The following LINC00305 variants were observed in gnomAD, a reference collection of about 807,000 sequenced individuals.
The protein encoded by LINC00305 is long independently transcribed non-coding RNA 305.
intron 3 of LINC00305, among the ~76,000 whole-genome samples, chr18:64,089,620 G>T (rs2051217297): frequency 6.6e-6 from 1 of 152,174 alleles, no homozygotes; most frequent in Admixed American, 6.5e-5. Flanking sequence ...CCTGGATTGT[G>T]CCTGTATTAG....
intron 1 of LINC00305, among the ~76,000 whole-genome samples, chr18:64,130,743 AAT>A (rs959707486): frequency 5.3e-5 from 8 of 152,148 alleles, no homozygotes; most frequent in African/African-American, 1.9e-4. Context: ...TGAAAATATT[AAT>A]ATGAGTTTCC....
intron 1 of LINC00305, among the ~76,000 whole-genome samples, chr18:64,142,494 C>T (rs1238837380): frequency 2.6e-5 from 4 of 152,086 alleles, no homozygotes; most frequent in Non-Finnish European, 5.9e-5. Context: ...GGCAGTTATC[C>T]CCACCACTTC....
intron 1 of LINC00305, among the ~76,000 whole-genome samples, chr18:64,129,755 A>T (rs555906880): frequency 1.3e-5 from 2 of 152,242 alleles, no homozygotes; most frequent in South Asian, 4.1e-4. Flanking sequence ...TAGTTCATGG[A>T]CAATTGCAAT....
intron 1 of LINC00305, among the ~76,000 whole-genome samples, chr18:64,109,284 A>G (rs2051304983): frequency 1.3e-5 from 2 of 152,232 alleles, no homozygotes; most frequent in African/African-American, 4.8e-5. Context: ...GTGAAAGAGT[A>G]TGATAGCTTG....
chr18:64,143,532 T>TAC (rs2051474999), intron 1 of LINC00305, among the ~76,000 whole-genome samples: 1 of 132,076 alleles, frequency 7.6e-6, no homozygotes, highest in African/African-American at 2.9e-5. Flanking sequence ...ATATTATGTG[T>TAC]ACATATATAT....
chr18:64,124,907 C>A (rs888313873), intron 1 of LINC00305, among the ~76,000 whole-genome samples: 27 of 152,114 alleles, frequency 1.8e-4, no homozygotes, highest in Non-Finnish European at 7.4e-5. Flanking sequence ...GGAAGTCTAA[C>A]ACCAAATTCA....
chr18:64,139,792 T>A (rs954434384), intron 1 of LINC00305, among the ~76,000 whole-genome samples: 6 of 152,098 alleles, frequency 3.9e-5, no homozygotes, highest in Non-Finnish European at 7.4e-5. Flanking sequence ...TCCTTTTAAC[T>A]TCCTAGAAAC....
intron 1 of LINC00305, among the ~76,000 whole-genome samples, chr18:64,135,492 A>G (rs1239296145): frequency 6.6e-6 from 1 of 152,220 alleles, no homozygotes; most frequent in Non-Finnish European, 1.5e-5. Flanking sequence ...TGTTGGCACA[A>G]TCCAGGAACA....
At chr18:64,144,842 C>T (rs1002356030) in intron 1 of LINC00305, among the ~76,000 whole-genome samples, 3 of 152,132 alleles carry the variant, frequency 2.0e-5, no homozygotes, top group Admixed American at 6.5e-5. Flanking sequence ...TATGAATGGA[C>T]GTGTAGTCAG....
exon 3 of LINC00305, chr18:64,097,845 A>G (rs773881200): frequency 4.4e-6 from 2 of 457,764 alleles, no homozygotes; most frequent in Non-Finnish European, 8.8e-6. Flanking sequence ...TTTATTCTTC[A>G]TTGAGAGCAT....
chr18:64,116,148 G>A (rs932180978), intron 1 of LINC00305, among the ~76,000 whole-genome samples: 13 of 152,152 alleles, frequency 8.5e-5, no homozygotes, highest in African/African-American at 3.1e-4. Flanking sequence ...TTGCCTATGT[G>A]ATTATGTGTG....
chr18:64,108,028 G>A (rs925693409), intron 1 of LINC00305, among the ~76,000 whole-genome samples: 1 of 152,172 alleles, frequency 6.6e-6, no homozygotes, highest in Non-Finnish European at 1.5e-5. Flanking sequence ...TACAATTGGT[G>A]ATTGGTGTGC....
intron 1 of LINC00305, among the ~76,000 whole-genome samples, chr18:64,125,149 C>T (rs1470291719): frequency 6.6e-6 from 1 of 152,080 alleles, no homozygotes; most frequent in African/African-American, 2.4e-5. Flanking sequence ...TTGTTGCCTC[C>T]ACACTTAAAC....
rs987639203 is a variant in LINC00305 at position 64,103,905 on chromosome 18, G to A, written n.315-5265C>T. 5.9e-5 allele frequency among the ~76,000 whole-genome samples: 9 copies of A among 152,298 alleles called. No homozygotes were observed. In the East Asian group the frequency reaches 1.3e-3, roughly 23 times the overall value. ...GACATGGACAGGGTCACAGTTACAG[G>A]CACAGAAAGCACTGTGAAGTTTTCA... On this transcript the variant is annotated intron_variant and non_coding_transcript_variant, in intron 1 of 3. Transcript: ENST00000666468.
chr18:64,123,386 T>C (rs1440895137), intron 1 of LINC00305, among the ~76,000 whole-genome samples: 1 of 152,102 alleles, frequency 6.6e-6, no homozygotes, highest in Non-Finnish European at 1.5e-5. Flanking sequence ...CACTTCTTTT[T>C]TAGGAATATT....
intron 1 of LINC00305, among the ~76,000 whole-genome samples, chr18:64,143,576 G>GTGTACATA (rs1568120071): frequency 0.16 from 2,813 of 17,274 alleles, 227 homozygotes; most frequent in East Asian, 0.4. Context: ...ATACACATAT[G>GTGTACATA]TATATGTACA....
At chr18:64,118,626 T>A (rs1046549632) in intron 1 of LINC00305, among the ~76,000 whole-genome samples, 1 of 152,302 alleles carries the variant, frequency 6.6e-6, no homozygotes, top group South Asian at 2.1e-4. Flanking sequence ...CGTGGAATGC[T>A]GGCTCCATCT....
chr18:64,114,976 C>G (rs750109441), intron 1 of LINC00305, among the ~76,000 whole-genome samples: 12 of 152,340 alleles, frequency 7.9e-5, no homozygotes, highest in South Asian at 2.1e-4. Flanking sequence ...ACACCCTTCT[C>G]CCTTCTCCTC....
intron 1 of LINC00305, among the ~76,000 whole-genome samples, chr18:64,120,454 G>T (rs2051356883): frequency 6.6e-6 from 1 of 151,886 alleles, no homozygotes; most frequent in Non-Finnish European, 1.5e-5. Flanking sequence ...TTAAACTAGG[G>T]TATTTTTTTT....
Sources: gnomAD v4.1 joint callset for allele counts (sites outside exome capture counted in the v4.1 genomes callset) on GRCh38, gnomAD v4.1.1 for gene constraint, MANE v1.5 for transcripts, NCBI Gene and HGNC (gene_info 2026-07-23, HGNC 2026-07-21) for gene names.